NARS2: variants seen among roughly 807,000 people sequenced by gnomAD.
NARS2 encodes asparaginyl-tRNA synthetase.
In NARS2, 60 loss-of-function variants were observed where a neutral mutation model predicts 62.9. That is an observed-to-expected ratio of 0.95 (90% CI 0.77 to 1.18). The LOEUF is 1.18. Ranked by LOEUF, NARS2 falls within the 50% of genes most tolerant of loss-of-function variation. The pLI is 0.00. For missense variants in NARS2, 619 were observed against 576.4 expected (o/e 1.07, Z -0.76); for synonymous variants, 196 against 200.0 (o/e 0.98, Z 0.17).
intron 6 of NARS2, among the ~76,000 whole-genome samples, chr11:78,510,048 C>A (rs1860661644): frequency 6.6e-6 from 1 of 151,776 alleles, no homozygotes; most frequent in African/African-American, 2.4e-5. Flanking sequence ...TAAAGAAAAA[C>A]ACAGTAATGC....
chr11:78,500,913 G>A (rs1455994327), intron 6 of NARS2, among the ~76,000 whole-genome samples: 3 of 152,130 alleles, frequency 2.0e-5, no homozygotes, highest in Admixed American at 2.0e-4. Context: ...GCAACATGGT[G>A]AAACCCCGTC....
Position 78,493,090 on chromosome 11 carries a change from A to T in NARS2, c.795T>A (p.Phe265Leu). ...GCATAAGATCTTGAAGGCTGTCAAC[A>T]AAAGAAATCTCTGCTTCTATCATAT... The part of the protein sequence containing the change: ...EFYMIEAEIS[F>L]VDSLQDLMQV... The change falls in exon 7 of 14, where the codon TTT becomes TTA. Residue 265 changes from phenylalanine (F) to leucine (L), a missense_variant. Phe to Leu is a conservative substitution (Grantham distance 22). Transcript: ENST00000281038. The T allele has an allele frequency of 6.2e-7, 1 of 1,613,412 alleles. No homozygotes were observed. The highest frequency in any genetic ancestry group is 1.1e-5 in the South Asian group (1 of 90,996).
At chr11:78,565,596 T>C (rs1364833236) in intron 4 of NARS2, among the ~76,000 whole-genome samples, 3 of 152,166 alleles carry the variant, frequency 2.0e-5, no homozygotes, top group Non-Finnish European at 4.4e-5. Context: ...TACGCTAGAA[T>C]ATCAGAGAGA....
At chr11:78,491,064 G>T (rs1859798692) in intron 7 of NARS2, among the ~76,000 whole-genome samples, 1 of 152,202 alleles carries the variant, frequency 6.6e-6, no homozygotes, top group Non-Finnish European at 1.5e-5. Context: ...ATTAGGGGAT[G>T]GGCTCAAGTG....
intron 1 of NARS2, chr11:78,573,529 C>G (rs1182978849): frequency 6.6e-6 from 1 of 152,228 alleles, no homozygotes; most frequent in Non-Finnish European, 1.5e-5. Context: ...GAGCTAGACC[C>G]TGTCTCAAAA....
In NARS2 at chr11:78,475,710, C is replaced by T. The variant is rs987729345; in HGVS notation, c.959+2728G>A. ...CTCCTGGGCTTAGGCAATCCTCCCACCTTAGTCTCCTGAGTAGCTGGCACT... is the reference window on the plus strand; with the variant it reads ...CTCCTGGGCTTAGGCAATCCTCCCATCTTAGTCTCCTGAGTAGCTGGCACT... On this transcript the variant is annotated intron_variant, in intron 9 of 13. Transcript: ENST00000281038. Among the ~76,000 whole-genome samples, 8 of 151,172 alleles carry T rather than the reference C, an allele frequency of 5.3e-5. No homozygotes were observed. In the South Asian group the frequency reaches 1.7e-3, roughly 32 times the overall value.
chr11:78,569,561 G>A (rs7927503), intron 2 of NARS2, among the ~76,000 whole-genome samples: 16,863 of 151,862 alleles, frequency 0.11, 2,992 homozygotes, highest in African/African-American at 0.38. Flanking sequence ...AAATTTTATT[G>A]AAGTAAATAA....
chr11:78,544,035 A>AAAAAC (rs1855747694), intron 5 of NARS2, among the ~76,000 whole-genome samples: 1 of 149,640 alleles, frequency 6.7e-6, no homozygotes, highest in African/African-American at 2.5e-5. Context: ...AAAAAAAAAA[A>AAAAAC]AAAAACTCTC....
At chr11:78,452,946 C>T (rs866047942) in intron 11 of NARS2, among the ~76,000 whole-genome samples, 7 of 152,108 alleles carry the variant, frequency 4.6e-5, no homozygotes, top group African/African-American at 7.2e-5. Flanking sequence ...GTAGGTCTGG[C>T]GGTTACCGGG....
chr11:78,450,215 C>T (rs902997350), intron 11 of NARS2, among the ~76,000 whole-genome samples: 1 of 152,192 alleles, frequency 6.6e-6, no homozygotes, highest in African/African-American at 2.4e-5. Context: ...CCCTCCCAAA[C>T]AATCCTTCAA....
chr11:78,502,302 T>C (rs1860309310), intron 6 of NARS2, among the ~76,000 whole-genome samples: 1 of 152,176 alleles, frequency 6.6e-6, no homozygotes, highest in African/African-American at 2.4e-5. Context: ...GACAGCAGGG[T>C]TGGTTTCTGG....
At chr11:78,569,729 A>G (rs1856855501) in intron 2 of NARS2, among the ~76,000 whole-genome samples, 1 of 152,200 alleles carries the variant, frequency 6.6e-6, no homozygotes, top group Non-Finnish European at 1.5e-5. Context: ...CTGACTTAAA[A>G]TATGTACTAC....
intron 12 of NARS2, among the ~76,000 whole-genome samples, chr11:78,443,343 A>T (rs991322095): frequency 6.6e-6 from 1 of 151,030 alleles, no homozygotes; most frequent in Non-Finnish European, 1.5e-5. Context: ...AAAAAAAAAA[A>T]TTAAAAAAAA....
intron 7 of NARS2, among the ~76,000 whole-genome samples, chr11:78,489,030 A>G (rs574215158): frequency 6.6e-6 from 1 of 152,330 alleles, no homozygotes; most frequent in Non-Finnish European, 1.5e-5. Context: ...CTAAAGCTAT[A>G]AAACATCATA....
intron 6 of NARS2, among the ~76,000 whole-genome samples, chr11:78,501,238 T>G (rs1860273539): frequency 6.6e-6 from 1 of 152,276 alleles, no homozygotes; most frequent in Non-Finnish European, 1.5e-5. Context: ...ATAAGTTTCT[T>G]TAATGTCTGG....
rs186284604 is a variant in NARS2 at position 78,452,444 on chromosome 11, G to A, written c.1165-8686C>T. Among the ~76,000 whole-genome samples the A allele has an allele frequency of 4.0e-4, 60 of 151,674 alleles. No homozygotes were observed. The East Asian group carries it at 0.011, about 29-fold the overall frequency. On this transcript the variant is annotated intron_variant, in intron 11 of 13. Transcript: ENST00000281038. ...TATTTTTGAGACAGGGTCTCACTCT[G>A]CCACTCAGGCTGGAGTGCAGTGGTA...
At chr11:78,527,922 C>T (rs1445687427) in intron 6 of NARS2, among the ~76,000 whole-genome samples, 1 of 152,070 alleles carries the variant, frequency 6.6e-6, no homozygotes, top group Non-Finnish European at 1.5e-5. Context: ...CAGCCTAGGA[C>T]ACATGGTGAG....
At chr11:78,444,230 T>A (rs1368882225) in intron 11 of NARS2, among the ~76,000 whole-genome samples, 1 of 152,192 alleles carries the variant, frequency 6.6e-6, no homozygotes, top group Non-Finnish European at 1.5e-5. Flanking sequence ...TTGATTAGAA[T>A]TATAATTATT....
At chr11:78,569,766 C>G (rs115782647) in intron 2 of NARS2, among the ~76,000 whole-genome samples, 1 of 152,098 alleles carries the variant, frequency 6.6e-6, no homozygotes, top group Non-Finnish European at 1.5e-5. Flanking sequence ...TAAGTATATC[C>G]TAAGGTTTCC....
Sources: allele counts gnomAD v4.1 joint callset (sites outside exome capture counted in the v4.1 genomes callset), GRCh38; gene constraint gnomAD v4.1.1; transcripts MANE v1.5; gene names NCBI Gene and HGNC (gene_info 2026-07-23, HGNC 2026-07-21).